SNX29: variants seen among roughly 807,000 people sequenced by gnomAD.
SNX29 encodes sorting nexin-29.
Under a neutral mutation model 102.1 loss-of-function variants are expected in SNX29, and 78 were observed. The ratio of observed to expected loss-of-function variants is 0.76; its 90% CI spans 0.64 to 0.92. The LOEUF is 0.92. SNX29 is among the 40% of genes least tolerant of loss of function. The pLI is 0.00. For missense variants in SNX29, 1,280 were observed against 1,061.7 expected (o/e 1.21, Z -2.86); for synonymous variants, 580 against 414.5 (o/e 1.40, Z -4.85).
chr16:12,538,386 G>A lies in SNX29; in HGVS notation c.2318+13545G>A, dbSNP rs151290218. 2.6e-4 allele frequency among the ~76,000 whole-genome samples: 40 copies of A among 152,204 alleles called. 1 individual carries two copies. Among genetic ancestry groups the A allele is most frequent in the African/African-American group, 7.2e-4 (30 of 41,534 alleles). ...ATTACAGGCGTGAGCCACCGCGCCCGGCCTCCCCTTGCACTTTTAAAATGA... is the reference window on the plus strand; with the variant it reads ...ATTACAGGCGTGAGCCACCGCGCCCAGCCTCCCCTTGCACTTTTAAAATGA... On this transcript the variant is annotated intron_variant, in intron 20 of 20. Transcript: ENST00000566228.
intron 16 of SNX29, among the ~76,000 whole-genome samples, chr16:12,393,196 G>A (rs1597213562): frequency 6.6e-6 from 1 of 152,172 alleles, no homozygotes; most frequent in African/African-American, 2.4e-5. Context: ...CTTCCTTGTT[G>A]CTTTTCTTTG....
intron 16 of SNX29, among the ~76,000 whole-genome samples, chr16:12,388,321 A>T (rs1355282173): frequency 6.6e-6 from 1 of 152,210 alleles, no homozygotes; most frequent in East Asian, 1.9e-4. Context: ...AGGTTACTCA[A>T]AGAATTACAT....
At chr16:12,420,759 C>T (rs565953298) in intron 18 of SNX29, among the ~76,000 whole-genome samples, 7 of 152,248 alleles carry the variant, frequency 4.6e-5, no homozygotes, top group African/African-American at 1.7e-4. Context: ...GATGAAGAGG[C>T]AGCCTCAGGG....
intron 15 of SNX29, among the ~76,000 whole-genome samples, chr16:12,279,277 T>C (rs768577688): frequency 5.9e-5 from 9 of 152,204 alleles, no homozygotes; most frequent in African/African-American, 1.2e-4. Flanking sequence ...TTGGAGGGTG[T>C]TCCCCTAAGT....
rs60237204 is a variant in SNX29 at position 12,109,146 on chromosome 16, A to AG, written c.1403-17487_1403-17486insG. Among the ~76,000 whole-genome samples, 62 of 149,440 alleles carry AG rather than the reference A, an allele frequency of 4.1e-4. 1 individual carries two copies. The highest frequency in any genetic ancestry group is 1.3e-3 in the African/African-American group (53 of 40,148). Reference sequence around the variant, plus strand: ...CTGTCTCAAAAAAAAAAAAAAAAAAAAAAAAAAAAGAAAAGGAATTTATTT... The same window carrying AG: ...CTGTCTCAAAAAAAAAAAAAAAAAAAGAAAAAAAAAGAAAAGGAATTTATTT... On this transcript the variant is annotated intron_variant, in intron 11 of 20. Transcript: ENST00000566228.
intron 4 of SNX29, among the ~76,000 whole-genome samples, chr16:12,032,303 G>A (rs929895841): frequency 7.9e-5 from 12 of 151,462 alleles, no homozygotes; most frequent in African/African-American, 2.9e-4. Flanking sequence ...CGCCTCCTGG[G>A]TTCAAGCGAT....
chr16:12,572,446 T>G lies in SNX29; in HGVS notation c.*3817T>G. The G allele has an allele frequency of 9.4e-7, 1 of 1,063,268 alleles. No individual in the cohort carries two copies. The highest frequency in any genetic ancestry group is 4.6e-5 in the South Asian group (1 of 21,972). 65.9% of individuals were successfully genotyped at this position (1,063,268 alleles called of 1,614,324 possible). On this transcript the variant is annotated 3_prime_UTR_variant, in exon 21 of 21. Coordinates refer to ENST00000566228, the MANE Select transcript of SNX29 (RefSeq NM_032167.5). ...CGGCAGTGGCTGCCTCTCTTGGTTC[T>G]GCATGGTACATTTTGCCAACCCTGA...
At chr16:12,125,605 CTTTTTTTTTTT>C (rs36212472) in intron 11 of SNX29, among the ~76,000 whole-genome samples, 22 of 45,440 alleles carry the variant, frequency 4.8e-4, no homozygotes, top group African/African-American at 5.5e-4. Context: ...TGAGATCTCT[CTTTTTTTTTTT>C]TTTTTTTTTT....
At chr16:12,276,114 G>T (rs1027817737) in intron 14 of SNX29, among the ~76,000 whole-genome samples, 2 of 151,850 alleles carry the variant, frequency 1.3e-5, no homozygotes, top group African/African-American at 4.8e-5. Context: ...GCTGGTTTCG[G>T]ACTCCTGACC....
In SNX29 at chr16:12,047,651, CT is replaced by C. The variant is rs376623418; in HGVS notation, c.500-698del. 4.9e-3 allele frequency among the ~76,000 whole-genome samples: 618 copies of C among 126,580 alleles called. 4 individuals are homozygous for C. Among genetic ancestry groups the C allele is most frequent in the South Asian group, 0.021 (75 of 3,572 alleles). The allele number at this position is 126,580 out of a possible 152,430, so 83.0% of individuals were successfully genotyped here. A position where few individuals can be genotyped will look rare whatever the true frequency, so the allele number is the denominator to read the frequency against. ...AGATGCTAAGTTGCTGGACCAAGGT[CT>C]TTTTTTTTTTTTTTTTTTTTTTGAG... On this transcript the variant is annotated intron_variant, in intron 6 of 20. Coordinates refer to ENST00000566228, the MANE Select transcript of SNX29 (RefSeq NM_032167.5).
chr16:12,013,532 T>G (rs1462036676), intron 3 of SNX29, among the ~76,000 whole-genome samples: 5 of 115,796 alleles, frequency 4.3e-5, no homozygotes, highest in African/African-American at 1.6e-4. Flanking sequence ...TATATATATA[T>G]ATATATATAT....
intron 14 of SNX29, among the ~76,000 whole-genome samples, chr16:12,221,997 C>T (rs2077491396): frequency 6.6e-6 from 1 of 152,174 alleles, no homozygotes; most frequent in East Asian, 1.9e-4. Context: ...TGGACCTTTC[C>T]ACGTTAGGTA....
At chr16:11,984,779 C>T (rs1445109658) in intron 1 of SNX29, among the ~76,000 whole-genome samples, 1 of 152,106 alleles carries the variant, frequency 6.6e-6, no homozygotes, top group Non-Finnish European at 1.5e-5. Flanking sequence ...ACCTCAGCCT[C>T]CTGAGTAGCT....
intron 14 of SNX29, among the ~76,000 whole-genome samples, chr16:12,267,351 C>A (rs1184649304): frequency 6.6e-6 from 1 of 151,952 alleles, no homozygotes; most frequent in Non-Finnish European, 1.5e-5. Context: ...ATTAAGCAGG[C>A]TGGGGTTTTC....
chr16:12,350,819 G>C (rs968933332), intron 15 of SNX29, among the ~76,000 whole-genome samples: 1 of 152,138 alleles, frequency 6.6e-6, no homozygotes, highest in African/African-American at 2.4e-5. Context: ...CTTCCCCTCA[G>C]TCTACTGAAT....
chr16:12,073,431 C>G (rs1217285531), intron 10 of SNX29, among the ~76,000 whole-genome samples: 8 of 152,000 alleles, frequency 5.3e-5, no homozygotes. Flanking sequence ...CGTTATGTAC[C>G]CAGTAGTCAT....
intron 8 of SNX29, among the ~76,000 whole-genome samples, chr16:12,060,304 A>G (rs1364367617): frequency 6.6e-6 from 1 of 152,194 alleles, no homozygotes; most frequent in African/African-American, 2.4e-5. Context: ...TACATCAGGG[A>G]CTTCAGGCTA....
intron 19 of SNX29, among the ~76,000 whole-genome samples, chr16:12,500,052 C>T (rs1047449394): frequency 9.9e-5 from 15 of 151,888 alleles, no homozygotes; most frequent in African/African-American, 1.9e-4. Context: ...AGTACAGTGG[C>T]GTGATCATAG....
intron 18 of SNX29, among the ~76,000 whole-genome samples, chr16:12,418,017 G>A (rs2084712920): frequency 6.6e-6 from 1 of 152,136 alleles, no homozygotes. Context: ...CGCAGGGCAC[G>A]TTTTTCTCTG....
Sources: gnomAD v4.1 joint callset for allele counts (sites outside exome capture counted in the v4.1 genomes callset) on GRCh38, gnomAD v4.1.1 for gene constraint, MANE v1.5 for transcripts, NCBI Gene and HGNC (gene_info 2026-07-23, HGNC 2026-07-21) for gene names.